Variants in DCBLD2 observed in about 807,000 individuals in gnomAD.
DCBLD2 encodes the protein discoidin, CUB and LCCL domain containing 2, also known as discoidin, CUB and LCCL domain-containing protein 2.
Under a neutral mutation model 86.8 loss-of-function variants are expected in DCBLD2, and 54 were observed. That is an observed-to-expected ratio of 0.62 (90% CI 0.50 to 0.78). DCBLD2 has a LOEUF of 0.78. Ranked by LOEUF, DCBLD2 falls within the 30% of genes least tolerant of loss-of-function variation. The pLI, the probability that DCBLD2 is intolerant of heterozygous loss-of-function variation, is 0.00. For synonymous variants in DCBLD2, 354 were observed against 341.3 expected (o/e 1.04, Z -0.41); for missense variants, 908 against 954.2 (o/e 0.95, Z 0.64).
chr3:98,811,904 T>C (rs1012440564), intron 10 of DCBLD2, among the ~76,000 whole-genome samples: 27 of 152,238 alleles, frequency 1.8e-4, no homozygotes, highest in African/African-American at 6.5e-4. Context: ...GCCAACGATG[T>C]GTCAGGCACT....
rs1337607958 is a variant in DCBLD2, at chr3:98,822,208, T to A, written c.830+20A>T. ...CTAATTATATATAGCATATATTTTT[T>A]AAATTGCATATATACTTACACCACA... On this transcript the variant is annotated intron_variant, in intron 6 of 15. Coordinates refer to ENST00000326840, the MANE Select transcript of DCBLD2 (RefSeq NM_080927.4). 1 of 1,612,726 alleles carries A rather than the reference T, an allele frequency of 6.2e-7. No homozygotes were observed. The highest frequency in any genetic ancestry group is 8.5e-7 in the Non-Finnish European group (1 of 1,179,130).
chr3:98,799,441 T>C lies in DCBLD2; in HGVS notation c.2259A>G (p.Pro753=). ...CTCCTGATACTTCTTGTGTGCTCTG[T>C]GGCACCTGGTACACCAATTCGTCTG... The part of the protein sequence containing the change: ...PAPDELVYQV[P]QSTQEVSGAG... Residue 753 remains proline (P), a synonymous_variant, in exon 16 of 16, where the codon CCA becomes CCG. Transcript: ENST00000326840. 1 of 1,614,032 alleles carries C rather than the reference T, an allele frequency of 6.2e-7. No individual in the cohort carries two copies. The highest frequency in any genetic ancestry group is 8.5e-7 in the Non-Finnish European group (1 of 1,179,878).
At chr3:98,843,822 T>C (rs1299422456) in intron 3 of DCBLD2, among the ~76,000 whole-genome samples, 1 of 152,154 alleles carries the variant, frequency 6.6e-6, no homozygotes, top group Non-Finnish European at 1.5e-5. Flanking sequence ...GAGTTCCGAT[T>C]AGGAACTATA....
At chr3:98,863,484 A>G (rs1407861022) in intron 2 of DCBLD2, among the ~76,000 whole-genome samples, 1 of 152,244 alleles carries the variant, frequency 6.6e-6, no homozygotes, top group African/African-American at 2.4e-5. Context: ...TACAGTAACC[A>G]AAACAGCATG....
At chr3:98,864,533 G>A (rs1943107360) in intron 2 of DCBLD2, among the ~76,000 whole-genome samples, 1 of 152,186 alleles carries the variant, frequency 6.6e-6, no homozygotes, top group Non-Finnish European at 1.5e-5. Context: ...CATAAAAAAA[G>A]ATGAGTTCAT....
At chr3:98,844,105 T>C (rs1942674821) in intron 3 of DCBLD2, among the ~76,000 whole-genome samples, 1 of 151,260 alleles carries the variant, frequency 6.6e-6, no homozygotes. Context: ...CTTGAAGGAC[T>C]TGAAGCTTTC....
intron 6 of DCBLD2, 86 bp from the exon 7 acceptor site, chr3:98,820,374 T>TC: frequency 2.0e-6 from 2 of 1,013,282 alleles, no homozygotes; most frequent in African/African-American, 1.7e-5. Flanking sequence ...TTGATTTGGT[T>TC]CCCCCCACCC....
In DCBLD2 at chr3:98,811,293, G is replaced by A; in HGVS notation, c.1477C>T (p.Leu493=). 1 of 1,612,900 alleles carries A rather than the reference G, an allele frequency of 6.2e-7. No homozygotes were observed. The highest frequency in any genetic ancestry group is 8.5e-7 in the Non-Finnish European group (1 of 1,179,470). ...AATTCATTGCTACTGCGAGGTTGTA[G>A]TGGTTGCGTAAATTTTGGGGCACGA... is the stretch of plus-strand genomic sequence containing the variant. ...KGRAPKFTQP[L]QPRSSNEFPA... The change falls in exon 12 of 16, where the codon CTA becomes TTA. Residue 493 remains leucine, a synonymous_variant. Transcript: ENST00000326840.
intron 1 of DCBLD2, among the ~76,000 whole-genome samples, chr3:98,899,901 G>A (rs1227404108): frequency 1.3e-5 from 2 of 151,994 alleles, no homozygotes; most frequent in Non-Finnish European, 1.5e-5. Flanking sequence ...CCCCCTACCA[G>A]GAGGGAAATA....
rs1941720749 is a variant in DCBLD2 at position 98,801,622 on chromosome 3, G to C, written c.1698C>G (p.Asp566Glu). 1 of 1,610,040 alleles carries C rather than the reference G, an allele frequency of 6.2e-7. No homozygotes were observed. Among genetic ancestry groups the C allele is most frequent in the Non-Finnish European group, 8.5e-7 (1 of 1,178,098 alleles). ...TACCTGCCCGGTCCCAGTAAGGTAA[G>C]TCATAGGTGCCTTCAGTTTTTTTCT... The part of the protein sequence containing the change: ...NRKKKTEGTY[D>E]LPYWDRAGWW... The change falls in exon 14 of 16, where the codon GAC becomes GAG. Residue 566 changes from aspartate (D) to glutamate (E), a missense_variant. This residue lies in a region of DCBLD2 where 606 missense variants were observed against 678.5 expected (regional missense o/e 0.89). Transcript: ENST00000326840.
intron 3 of DCBLD2, among the ~76,000 whole-genome samples, chr3:98,829,372 CT>C (rs1248913421): frequency 2.0e-5 from 3 of 152,076 alleles, no homozygotes; most frequent in South Asian, 2.1e-4. Context: ...TTTGCTGTAT[CT>C]TTTGTCATCT....
intron 1 of DCBLD2, among the ~76,000 whole-genome samples, chr3:98,896,691 T>C (rs1281692747): frequency 6.6e-6 from 1 of 152,212 alleles, no homozygotes; most frequent in African/African-American, 2.4e-5. Flanking sequence ...ATCATTGTTA[T>C]CCATACAATA....
At chr3:98,881,968 A>G (rs961906210) in intron 1 of DCBLD2, among the ~76,000 whole-genome samples, 4 of 152,170 alleles carry the variant, frequency 2.6e-5, no homozygotes, top group Non-Finnish European at 5.9e-5. Flanking sequence ...TATGATGTAT[A>G]GTGATCAGAT....
chr3:98,848,583 A>G (rs903236693), intron 3 of DCBLD2, among the ~76,000 whole-genome samples: 4 of 152,224 alleles, frequency 2.6e-5, no homozygotes, highest in Non-Finnish European at 5.9e-5. Flanking sequence ...TTACACTCCC[A>G]CAAACAGTGT....
chr3:98,870,293 G>T (rs1310870013), intron 2 of DCBLD2, among the ~76,000 whole-genome samples: 1 of 152,108 alleles, frequency 6.6e-6, no homozygotes, highest in Non-Finnish European at 1.5e-5. Flanking sequence ...TGTTTCATTG[G>T]TATATGTGTC....
chr3:98,873,533 G>A (rs1308811617), intron 2 of DCBLD2, among the ~76,000 whole-genome samples: 1 of 151,476 alleles, frequency 6.6e-6, no homozygotes, highest in African/African-American at 2.4e-5. Flanking sequence ...ACAATTATTG[G>A]GTAAAAGAAA....
At chr3:98,817,696 C>G in intron 9 of DCBLD2, 73 bp downstream of exon 9, 1 of 1,464,582 alleles carries the variant, frequency 6.8e-7, no homozygotes. Context: ...CTCTTTTATA[C>G]AGGAGAGCTC....
rs1943571124 is a variant in DCBLD2 at position 98,886,804 on chromosome 3, C to CAA, written c.206-5038_206-5037insTT. Reference sequence around the variant, plus strand: ...TTTTGATATTATTACAGGAAAACCCCCCCCCTTTTTTTTTTTTTTTTACTA... The same window carrying CAA: ...TTTTGATATTATTACAGGAAAACCCCAACCCCCTTTTTTTTTTTTTTTTACTA... On this transcript the variant is annotated intron_variant, in intron 1 of 15. Transcript: ENST00000326840. Among the ~76,000 whole-genome samples the CAA allele has an allele frequency of 3.7e-5, 5 of 136,928 alleles. 1 individual carries two copies. 89.8% of individuals were successfully genotyped at this position (136,928 alleles called of 152,430 possible). A position where few individuals can be genotyped will look rare whatever the true frequency, so the allele number is the denominator to read the frequency against.
chr3:98,804,415 C>T (rs1466958535), intron 13 of DCBLD2, among the ~76,000 whole-genome samples: 2 of 151,988 alleles, frequency 1.3e-5, no homozygotes, highest in East Asian at 3.8e-4. Flanking sequence ...TTTTTTATTG[C>T]ATCTATTTGA....
Sources: gnomAD v4.1 joint callset for allele counts (sites outside exome capture counted in the v4.1 genomes callset) on GRCh38, gnomAD v4.1.1 for gene constraint, gnomAD v4.1.1 regional missense constraint, MANE v1.5 for transcripts, NCBI Gene and HGNC (gene_info 2026-07-23, HGNC 2026-07-21) for gene names.